WASHC3: variants seen among roughly 807,000 people sequenced by gnomAD.
WASHC3 encodes WASH complex subunit CCDC53.
A neutral mutation model predicts 26.1 loss-of-function variants in WASHC3; 24 were observed. The observed-to-expected ratio is 0.92, with a 90% CI of 0.66 to 1.29. The LOEUF (loss-of-function observed/expected upper bound fraction) is 1.29, where lower values mean the gene tolerates loss of function less well. Among genes scored for constraint, WASHC3 ranks in the 50% most tolerant of loss-of-function variants. The probability of loss-of-function intolerance (pLI) is 0.00; values close to 1 mark genes in which losing one functional copy is unlikely to be tolerated. For missense variants in WASHC3, 214 were observed against 229.6 expected, an observed-to-expected ratio of 0.93 and a Z score of 0.44; for synonymous variants, 77 against 75.7, an observed-to-expected ratio of 1.02 and a Z score of -0.09.
intron 2 of WASHC3, among the ~76,000 whole-genome samples, chr12:102,056,034 A>T: frequency 6.6e-6 from 1 of 152,332 alleles, no homozygotes; most frequent in Middle Eastern, 3.4e-3. Flanking sequence ...CGTTAATTCT[A>T]TCTAACTAGA....
At chr12:102,050,011 A>C (rs947057240) in intron 2 of WASHC3, among the ~76,000 whole-genome samples, 1 of 152,206 alleles carries the variant, frequency 6.6e-6, no homozygotes, top group African/African-American at 2.4e-5. Flanking sequence ...TTATTTAAAA[A>C]TCCAGTATCT....
At chr12:102,061,761 G>A in intron 1 of WASHC3, 151 bp downstream of exon 1, 1 of 616,570 alleles carries the variant, frequency 1.6e-6, no homozygotes, top group Non-Finnish European at 2.8e-6. Context: ...GTGGACTGTG[G>A]GGCTCTCCCT....
chr12:102,043,259 T>TTTTA (rs555688390), intron 4 of WASHC3, among the ~76,000 whole-genome samples: 141 of 152,062 alleles, frequency 9.3e-4, no homozygotes, highest in African/African-American at 3.1e-3. Context: ...CCAGAGAATG[T>TTTTA]TTTATTTATT....
chr12:102,024,694 A>G (rs1877099946), intron 6 of WASHC3, among the ~76,000 whole-genome samples: 1 of 152,198 alleles, frequency 6.6e-6, no homozygotes, highest in Non-Finnish European at 1.5e-5. Context: ...TAATCATTTT[A>G]AAGGTAATTT....
chr12:102,039,259 T>C (rs1350795771), intron 5 of WASHC3, among the ~76,000 whole-genome samples: 2 of 151,392 alleles, frequency 1.3e-5, no homozygotes, highest in East Asian at 3.9e-4. Flanking sequence ...TAGAGGTGTG[T>C]GTCACTGCGC....
intron 5 of WASHC3, among the ~76,000 whole-genome samples, chr12:102,039,486 T>C (rs1186957725): frequency 1.3e-5 from 2 of 152,114 alleles, no homozygotes; most frequent in Non-Finnish European, 2.9e-5. Context: ...AGATCATTGA[T>C]AAACATAAAA....
At position 102,025,960 on chromosome 12, in the gene WASHC3, G is replaced by A. The variant is rs1594352021; in HGVS notation, c.500+14C>T. The A allele has an allele frequency of 1.6e-6, 2 of 1,286,186 alleles. No individual in the cohort carries two copies. Among genetic ancestry groups the A allele is most frequent in the East Asian group, 4.9e-5 (2 of 40,442 alleles). 79.7% of individuals were successfully genotyped at this position (1,286,186 alleles called of 1,614,324 possible). A position where few individuals can be genotyped will look rare whatever the true frequency, so the allele number is the denominator to read the frequency against. On this transcript the variant is annotated intron_variant, in intron 6 of 6. Transcript: ENST00000240079. ...TCCTGGCAATAATATCATTATATTAGAAGAATTACTTACTCAAGAAGATCT... is the reference window on the plus strand; with the variant it reads ...TCCTGGCAATAATATCATTATATTAAAAGAATTACTTACTCAAGAAGATCT...
At chr12:102,018,177 T>C (rs1171936485) in intron 6 of WASHC3, among the ~76,000 whole-genome samples, 1 of 152,260 alleles carries the variant, frequency 6.6e-6, no homozygotes, top group Non-Finnish European at 1.5e-5. Flanking sequence ...TTCCACCGTA[T>C]GTATATACCA....
At chr12:102,054,187 G>T (rs183481738) in intron 2 of WASHC3, among the ~76,000 whole-genome samples, 117 of 152,222 alleles carry the variant, frequency 7.7e-4, no homozygotes, top group African/African-American at 2.6e-3. Flanking sequence ...GATCTATAAA[G>T]CAACTAGAAA....
rs374642397 is a variant in WASHC3, at chr12:102,044,185, C to G, written c.244G>C (p.Val82Leu). Residue 82 changes from valine (V) to leucine (L), a missense_variant, in exon 4 of 7, where the codon GTC becomes CTC. Physicochemically the swap from Val to Leu is conservative, Grantham distance 32. Transcript: ENST00000240079. Reference sequence around the variant, plus strand: ...TTTAAAGGAGATACTTCAACTGTGACATCATCTAGGCCTGGGATAGATGAC... The same window carrying G: ...TTTAAAGGAGATACTTCAACTGTGAGATCATCTAGGCCTGGGATAGATGAC... ...KLSSIPGLDD[V>L]TVEVSPLNVT... 59 of 1,608,020 alleles carry G rather than the reference C, an allele frequency of 3.7e-5. No homozygotes were observed. In the African/African-American group the frequency reaches 7.8e-4, roughly 21 times the overall value.
intron 1 of WASHC3, 21 bp from the exon 2 acceptor site, chr12:102,061,367 C>T (rs1878803985): frequency 6.6e-7 from 1 of 1,524,450 alleles, no homozygotes; most frequent in Non-Finnish European, 9.1e-7. Flanking sequence ...TAAAAACAAA[C>T]ATGGTTCATA....
intron 5 of WASHC3, among the ~76,000 whole-genome samples, chr12:102,030,044 C>T (rs553723038): frequency 2.1e-4 from 32 of 152,018 alleles, no homozygotes; most frequent in African/African-American, 7.5e-4. Context: ...GCCTGTAATC[C>T]CAGCACTTTG....
At chr12:102,058,732 A>G (rs1224487491) in intron 2 of WASHC3, among the ~76,000 whole-genome samples, 1 of 152,174 alleles carries the variant, frequency 6.6e-6, no homozygotes, top group Non-Finnish European at 1.5e-5. Context: ...AAATTAGTAC[A>G]TTCAAGAGAC....
In WASHC3 at chr12:102,025,689, A is replaced by G. The variant is rs1305918573; in HGVS notation, c.500+285T>C. Among the ~76,000 whole-genome samples, 6 of 151,494 alleles carry G rather than the reference A, an allele frequency of 4.0e-5. No individual in the cohort carries two copies. In the East Asian group the frequency reaches 1.2e-3, roughly 29 times the overall value. ...AGAAAGAGGTAGCACAAAAAGGAAA[A>G]AAAAAAAAAAAGCAAAAAAAATTGT... is the stretch of plus-strand genomic sequence containing the variant. On this transcript the variant is annotated intron_variant, in intron 6 of 6. Transcript: ENST00000240079.
At chr12:102,058,340 G>A (rs745756526) in intron 2 of WASHC3, among the ~76,000 whole-genome samples, 6 of 152,118 alleles carry the variant, frequency 3.9e-5, no homozygotes, top group Non-Finnish European at 8.8e-5. Context: ...AAAGTTGCAC[G>A]ACATTGGTCT....
At chr12:102,015,877 A>G (rs1204662751) in intron 6 of WASHC3, among the ~76,000 whole-genome samples, 2 of 152,152 alleles carry the variant, frequency 1.3e-5, no homozygotes, top group Non-Finnish European at 2.9e-5. Context: ...AGTATTTACT[A>G]TACTGTACTT....
chr12:102,041,771 A>G (rs1170224936), intron 4 of WASHC3, among the ~76,000 whole-genome samples: 1 of 152,070 alleles, frequency 6.6e-6, no homozygotes, highest in African/African-American at 2.4e-5. Flanking sequence ...AAGCTAATCA[A>G]CACACAATTT....
At chr12:102,026,736 C>T (rs570136843) in intron 5 of WASHC3, among the ~76,000 whole-genome samples, 1 of 152,180 alleles carries the variant, frequency 6.6e-6, no homozygotes, top group Non-Finnish European at 1.5e-5. Context: ...TATAACTAAA[C>T]ATTTATTCCA....
chr12:102,026,148 T>C, intron 5 of WASHC3, 110 bp from the exon 6 acceptor site: 2 of 624,546 alleles, frequency 3.2e-6, no homozygotes, highest in Non-Finnish European at 2.8e-6. Context: ...AAAGTTCTTA[T>C]TCTACTTTAA....
Sources: allele counts gnomAD v4.1 joint callset (sites outside exome capture counted in the v4.1 genomes callset), GRCh38; gene constraint gnomAD v4.1.1; transcripts MANE v1.5; gene names NCBI Gene and HGNC (gene_info 2026-07-23, HGNC 2026-07-21).